BTBD10: variants seen among roughly 807,000 people sequenced by gnomAD.
BTBD10 encodes BTB/POZ domain-containing protein 10.
A neutral mutation model predicts 53.2 loss-of-function variants in BTBD10; 21 were observed. The observed-to-expected ratio is 0.39, with a 90% CI of 0.28 to 0.57. The LOEUF is 0.57. Ranked by LOEUF, BTBD10 falls within the 20% of genes least tolerant of loss-of-function variation. The pLI is 0.53. For synonymous variants in BTBD10, 149 were observed against 192.7 expected, an observed-to-expected ratio of 0.77 and a Z score of 1.88; for missense variants, 360 against 594.7, an observed-to-expected ratio of 0.61 and a Z score of 4.10.
In BTBD10 at chr11:13,436,710, G is replaced by A. The variant is rs543545726; in HGVS notation, c.101+8314C>T. ...AACCATGTCTAATTACTTTTCAAAG[G>A]AAAAGTCTTAAAATATCTGAAGATA... On this transcript the variant is annotated intron_variant, in intron 2 of 8. Transcript: ENST00000278174. Among the ~76,000 whole-genome samples, 24 of 152,250 alleles carry A rather than the reference G, an allele frequency of 1.6e-4. No homozygotes were observed. The South Asian group carries it at 4.6e-3, about 29-fold the overall frequency.
At chr11:13,419,007 G>A (rs952118947) in intron 4 of BTBD10, among the ~76,000 whole-genome samples, 21 of 123,768 alleles carry the variant, frequency 1.7e-4, no homozygotes, top group Non-Finnish European at 3.1e-4. Context: ...TATCTACATC[G>A]AACTGACAAT....
intron 6 of BTBD10, among the ~76,000 whole-genome samples, chr11:13,406,994 A>T (rs1278960324): frequency 6.6e-6 from 1 of 152,042 alleles, no homozygotes; most frequent in Admixed American, 6.6e-5. Flanking sequence ...ATACTACAAA[A>T]ATGTCTTGCT....
intron 8 of BTBD10, among the ~76,000 whole-genome samples, chr11:13,389,614 G>A (rs577484252): frequency 2.0e-5 from 3 of 151,162 alleles, no homozygotes; most frequent in Non-Finnish European, 2.9e-5. Flanking sequence ...TTTTAGTAGA[G>A]GGGGGGTTTC....
At chr11:13,457,877 T>C (rs534041729) in intron 1 of BTBD10, among the ~76,000 whole-genome samples, 5 of 152,296 alleles carry the variant, frequency 3.3e-5, no homozygotes, top group African/African-American at 1.2e-4. Context: ...ATTTTCTTCT[T>C]TGCCCTTTGC....
At chr11:13,436,107 C>T (rs1270207863) in intron 2 of BTBD10, among the ~76,000 whole-genome samples, 1 of 152,176 alleles carries the variant, frequency 6.6e-6, no homozygotes, top group African/African-American at 2.4e-5. Flanking sequence ...ATTCCTGAAT[C>T]TTCATCTACA....
At chr11:13,443,821 T>C (rs777318547) in intron 2 of BTBD10, among the ~76,000 whole-genome samples, 1 of 152,084 alleles carries the variant, frequency 6.6e-6, no homozygotes, top group Non-Finnish European at 1.5e-5. Context: ...TGACCTCAAG[T>C]GATCTGCCTG....
In BTBD10 at chr11:13,408,541, A is replaced by G. The variant is rs575880019; in HGVS notation, c.809-2685T>C. ...GCTGAACTTTAGACATGTATACCCAATGCTCCACTTAACATTTCTACTTGG... is the reference window on the plus strand; with the variant it reads ...GCTGAACTTTAGACATGTATACCCAGTGCTCCACTTAACATTTCTACTTGG... On this transcript the variant is annotated intron_variant, in intron 6 of 8. Coordinates refer to ENST00000278174, the MANE Select transcript of BTBD10 (RefSeq NM_032320.7). 4.6e-5 allele frequency among the ~76,000 whole-genome samples: 7 copies of G among 152,302 alleles called. No homozygotes were observed. In the South Asian group the frequency reaches 1.5e-3, roughly 32 times the overall value.
chr11:13,395,103 A>G (rs1280384084), intron 8 of BTBD10, among the ~76,000 whole-genome samples: 1 of 146,868 alleles, frequency 6.8e-6, no homozygotes, highest in Non-Finnish European at 1.5e-5. Context: ...TTCTAGATCC[A>G]TGAGGAATCG....
At chr11:13,396,140 T>C (rs2135742593) in intron 8 of BTBD10, among the ~76,000 whole-genome samples, 1 of 152,326 alleles carries the variant, frequency 6.6e-6, no homozygotes. Context: ...AGTATGGCCA[T>C]TTTCACGATA....
intron 6 of BTBD10, among the ~76,000 whole-genome samples, chr11:13,409,261 A>C (rs1949891293): frequency 1.3e-5 from 2 of 152,180 alleles, no homozygotes; most frequent in Admixed American, 1.3e-4. Context: ...TTCCAATGAA[A>C]GTTTCTCTGG....
rs946453220 is a variant in BTBD10 at position 13,388,660 on chromosome 11, T to A, written c.*171A>T. 16 of 631,988 alleles carry A rather than the reference T, an allele frequency of 2.5e-5. No individual in the cohort carries two copies. Among genetic ancestry groups the A allele is most frequent in the Middle Eastern group, 3.9e-4 (1 of 2,538 alleles). The allele number at this position is 631,988 out of a possible 1,614,324, so 39.1% of individuals were successfully genotyped here. On this transcript the variant is annotated 3_prime_UTR_variant, in exon 9 of 9. Transcript: ENST00000278174. The stretch of plus-strand genomic sequence containing the variant: ...TCAAAATGCTAGAGTTGTACTCATT[T>A]AAAAAAAAACCATTCAGCTACCTTT...
rs1198643354 is a variant in BTBD10 at position 13,417,215 on chromosome 11, C to T, written c.630G>A (p.Glu210=). The change falls in exon 5 of 9, where the codon GAG becomes GAA. Residue 210 remains glutamate, a synonymous_variant. Coordinates refer to ENST00000278174, the MANE Select transcript of BTBD10 (RefSeq NM_032320.7). ...CCTCTGCCACCTCATACTCTCCTTTCTCATTGGGTCGTGTAAAGTTATGTT... is the reference window on the plus strand; with the variant it reads ...CCTCTGCCACCTCATACTCTCCTTTTTCATTGGGTCGTGTAAAGTTATGTT... ...GREHNFTRPN[E]KGEYEVAEGI... 1 of 1,613,644 alleles carries T rather than the reference C, an allele frequency of 6.2e-7. No individual in the cohort carries two copies. The highest frequency in any genetic ancestry group is 8.5e-7 in the Non-Finnish European group (1 of 1,179,772).
chr11:13,392,133 A>C (rs966578549), intron 8 of BTBD10, among the ~76,000 whole-genome samples: 8 of 152,234 alleles, frequency 5.3e-5, no homozygotes, highest in Admixed American at 5.2e-4. Context: ...AATTGTTCAT[A>C]AAGTCAAAGA....
At chr11:13,393,749 A>C (rs1949465333) in intron 8 of BTBD10, among the ~76,000 whole-genome samples, 1 of 152,124 alleles carries the variant, frequency 6.6e-6, no homozygotes, top group African/African-American at 2.4e-5. Flanking sequence ...TTTAAGTGGA[A>C]ATTTTTTTAA....
chr11:13,428,552 G>C (rs1034305592), intron 2 of BTBD10, among the ~76,000 whole-genome samples: 2 of 151,718 alleles, frequency 1.3e-5, no homozygotes, highest in African/African-American at 4.8e-5. Context: ...AAGGAAATTA[G>C]AAAATTTTGA....
chr11:13,432,611 AAC>A (rs746186331), intron 2 of BTBD10, among the ~76,000 whole-genome samples: 22 of 152,098 alleles, frequency 1.4e-4, no homozygotes, highest in Admixed American at 3.3e-4. Context: ...GAGACAAAAA[AAC>A]ACACAAAACT....
chr11:13,417,854 G>A (rs1433753123), intron 4 of BTBD10, among the ~76,000 whole-genome samples: 6 of 152,106 alleles, frequency 3.9e-5, no homozygotes. Flanking sequence ...GAAGAAATAA[G>A]ACAAGGGCAA....
chr11:13,450,228 C>T (rs959747869), intron 1 of BTBD10, among the ~76,000 whole-genome samples: 21 of 152,026 alleles, frequency 1.4e-4, no homozygotes, highest in African/African-American at 4.3e-4. Context: ...CAGGAGGAAG[C>T]CAAGACGACA....
At chr11:13,459,546 C>G (rs1220327884) in intron 1 of BTBD10, 2 of 152,136 alleles carry the variant, frequency 1.3e-5, no homozygotes, top group Non-Finnish European at 2.9e-5. Context: ...ATCTTCCTGA[C>G]CCGCCTTACT....
Sources: allele counts gnomAD v4.1 joint callset (sites outside exome capture counted in the v4.1 genomes callset), GRCh38; gene constraint gnomAD v4.1.1; transcripts MANE v1.5; gene names NCBI Gene and HGNC (gene_info 2026-07-23, HGNC 2026-07-21).